IPO11: variants seen among roughly 807,000 people sequenced by gnomAD.
IPO11 encodes importin-11.
Under a neutral mutation model 143.2 loss-of-function variants are expected in IPO11, and 66 were observed. The ratio of observed to expected loss-of-function variants is 0.46; its 90% confidence interval spans 0.38 to 0.57. The LOEUF is 0.57. Among genes scored for constraint, IPO11 ranks in the 20% least tolerant of loss-of-function variants. IPO11 has a pLI of 0.00. For missense variants in IPO11, 1,026 were observed against 1,141.0 expected (o/e 0.90, Z 1.45); for synonymous variants, 385 against 377.8 (o/e 1.02, Z -0.22).
At chr5:62,434,937 A>G (rs1561308541) in intron 1 of IPO11, among the ~76,000 whole-genome samples, 1 of 151,044 alleles carries the variant, frequency 6.6e-6, no homozygotes, top group Non-Finnish European at 1.5e-5. Flanking sequence ...AGGCAGGAGA[A>G]TCACTTGAAC....
chr5:62,578,792 TAAAAAAA>T (rs746071621), intron 27 of IPO11: 2 of 338,866 alleles, frequency 5.9e-6, no homozygotes, highest in African/African-American at 2.5e-5. Flanking sequence ...AACGGTGACT[TAAAAAAA>T]AAAAAAAAAA....
chr5:62,466,226 A>G (rs1745568517), intron 5 of IPO11, among the ~76,000 whole-genome samples: 1 of 152,224 alleles, frequency 6.6e-6, no homozygotes, highest in South Asian at 2.1e-4. Context: ...GTGTGGATAC[A>G]TGCAAAGTTG....
chr5:62,440,084 T>C (rs1424089796), intron 2 of IPO11, among the ~76,000 whole-genome samples: 1 of 152,186 alleles, frequency 6.6e-6, no homozygotes, highest in East Asian at 1.9e-4. Flanking sequence ...AGTTTCTGCT[T>C]TGCCAGGCAC....
intron 6 of IPO11, among the ~76,000 whole-genome samples, chr5:62,468,964 A>G (rs1380919151): frequency 6.6e-6 from 1 of 152,202 alleles, no homozygotes; most frequent in African/African-American, 2.4e-5. Context: ...TTCATTCGAC[A>G]AATCTATAGA....
intron 22 of IPO11, among the ~76,000 whole-genome samples, chr5:62,534,905 G>A (rs1250194903): frequency 1.3e-5 from 2 of 151,960 alleles, no homozygotes; most frequent in African/African-American, 4.8e-5. Flanking sequence ...CTTGGTATTA[G>A]GACTAGAAAA....
chr5:62,439,748 C>G (rs1580179376), intron 2 of IPO11, among the ~76,000 whole-genome samples: 1 of 152,066 alleles, frequency 6.6e-6, no homozygotes, highest in East Asian at 1.9e-4. Context: ...TTAGATGGAA[C>G]AGATTATATT....
At chr5:62,611,026 A>G (rs1227061504) in intron 29 of IPO11, among the ~76,000 whole-genome samples, 1 of 152,202 alleles carries the variant, frequency 6.6e-6, no homozygotes, top group Non-Finnish European at 1.5e-5. Context: ...TGACTGTTGT[A>G]CTGCTGTTGA....
chr5:62,607,236 T>C (rs1337863849), intron 29 of IPO11, among the ~76,000 whole-genome samples: 2 of 152,232 alleles, frequency 1.3e-5, no homozygotes, highest in Admixed American at 6.5e-5. Flanking sequence ...TTTAGACTTG[T>C]ACTTGTTAGA....
intron 27 of IPO11, among the ~76,000 whole-genome samples, chr5:62,591,285 C>T (rs913769357): frequency 2.6e-5 from 4 of 151,788 alleles, no homozygotes; most frequent in Non-Finnish European, 5.9e-5. Context: ...ATGTCTTTAT[C>T]TTTGTAGTTA....
chr5:62,503,718 A>G (rs1044604406), intron 16 of IPO11, among the ~76,000 whole-genome samples: 2 of 152,216 alleles, frequency 1.3e-5, no homozygotes, highest in African/African-American at 2.4e-5. Flanking sequence ...GTGAAAAAAC[A>G]TCTGCACTGT....
intron 28 of IPO11, 89 bp downstream of exon 28, chr5:62,591,761 A>G (rs1371914105): frequency 1.1e-5 from 8 of 746,620 alleles, no homozygotes; most frequent in Non-Finnish European, 1.7e-5. Context: ...CTCTATAAGC[A>G]CAGTATGAAA....
chr5:62,478,902 A>G (rs1393970614), intron 9 of IPO11, among the ~76,000 whole-genome samples: 1 of 152,200 alleles, frequency 6.6e-6, no homozygotes, highest in African/African-American at 2.4e-5. Context: ...ACGTGCACAC[A>G]TGCAATGTGA....
chr5:62,544,189 A>G (rs577203015), intron 24 of IPO11, among the ~76,000 whole-genome samples: 22 of 151,372 alleles, frequency 1.5e-4, no homozygotes, highest in Admixed American at 3.9e-4. Context: ...ATGAACATCA[A>G]TGCAAAAATC....
intron 24 of IPO11, among the ~76,000 whole-genome samples, chr5:62,545,470 G>A (rs1017261504): frequency 1.1e-4 from 16 of 152,122 alleles, no homozygotes; most frequent in East Asian, 5.8e-4. Flanking sequence ...AAAGACTTAA[G>A]TGTTAGACCT....
chr5:62,554,662 G>A (rs1743510574), intron 26 of IPO11, among the ~76,000 whole-genome samples: 1 of 127,520 alleles, frequency 7.8e-6, no homozygotes, highest in South Asian at 2.4e-4. Flanking sequence ...TGCTATTTTG[G>A]TTACTGTATT....
At chr5:62,543,711 T>G (rs1461580315) in intron 24 of IPO11, among the ~76,000 whole-genome samples, 1 of 152,214 alleles carries the variant, frequency 6.6e-6, no homozygotes, top group Non-Finnish European at 1.5e-5. Flanking sequence ...TCTTAGTTAC[T>G]TCTTGCCTTC....
chr5:62,483,195 G>A lies in IPO11; in HGVS notation c.923G>A (p.Gly308Asp), dbSNP rs1319078985. 1 of 1,609,468 alleles carries A rather than the reference G, an allele frequency of 6.2e-7. No homozygotes were observed. The highest frequency in any genetic ancestry group is 1.3e-5 in the African/African-American group (1 of 74,924). Residue 308 changes from glycine to aspartate, a missense_variant, in exon 10 of 30, where the codon GGT (glycine) becomes GAT (aspartate). By Grantham distance (94) the Gly-to-Asp change is moderately conservative. This residue lies in a region of IPO11 where 429 missense variants were observed against 456.3 expected (regional missense o/e 0.94). Transcript: ENST00000325324. ...FSVSYVFTEV[G>D]EGVTFERFIV... Reference sequence around the variant, plus strand: ...GTAAGCTATGTTTTTACAGAAGTTGGTGAAGGCGTTACATTTGAACGATTC... The same window carrying A: ...GTAAGCTATGTTTTTACAGAAGTTGATGAAGGCGTTACATTTGAACGATTC...
At chr5:62,504,030 C>T (rs114664722) in intron 16 of IPO11, among the ~76,000 whole-genome samples, 6 of 152,142 alleles carry the variant, frequency 3.9e-5, no homozygotes, top group Non-Finnish European at 5.9e-5. Context: ...CAATTTTAGC[C>T]GATTAAGTCT....
At chr5:62,527,739 TAA>T (rs1742413667) in intron 21 of IPO11, among the ~76,000 whole-genome samples, 2 of 152,212 alleles carry the variant, frequency 1.3e-5, no homozygotes, top group Non-Finnish European at 2.9e-5. Flanking sequence ...TACATGCTAA[TAA>T]AAATAAATTA....
Sources: allele counts gnomAD v4.1 joint callset (sites outside exome capture counted in the v4.1 genomes callset), GRCh38; gene constraint gnomAD v4.1.1; regional missense constraint gnomAD v4.1.1; transcripts MANE v1.5; gene names NCBI Gene and HGNC (gene_info 2026-07-23, HGNC 2026-07-21).